Variants in TXNDC9 observed in about 807,000 individuals in gnomAD.
The protein encoded by TXNDC9 is thioredoxin domain containing 9, also known as thioredoxin domain-containing protein 9.
In TXNDC9, 7 loss-of-function variants were observed where a neutral mutation model predicts 23.0. The observed-to-expected ratio is 0.30, with a 90% confidence interval of 0.17 to 0.57. The LOEUF is 0.57. TXNDC9 is among the 20% of genes least tolerant of loss of function. The pLI, the probability that TXNDC9 is intolerant of heterozygous loss-of-function variation, is 0.90. For missense variants in TXNDC9, 198 were observed against 252.6 expected, an observed-to-expected ratio of 0.78 and a Z score of 1.47; for synonymous variants, 72 against 90.6, an observed-to-expected ratio of 0.79 and a Z score of 1.17.
downstream of TXNDC9, among the ~76,000 whole-genome samples, chr2:99,318,462 C>G (rs1033127253): frequency 6.6e-6 from 1 of 152,188 alleles, no homozygotes; most frequent in African/African-American, 2.4e-5. Flanking sequence ...GCGTGAGGCA[C>G]CGTGCCCGGC....
chr2:99,325,511 C>T (rs575849701), intron 3 of TXNDC9, among the ~76,000 whole-genome samples: 1 of 152,288 alleles, frequency 6.6e-6, no homozygotes, highest in East Asian at 1.9e-4. Context: ...ATATAAAGTT[C>T]ACTGGATGAT....
the TXNDC9 span, among the ~76,000 whole-genome samples, chr2:99,308,814 C>A: frequency 4.6e-5 from 7 of 151,886 alleles, no homozygotes; most frequent in Non-Finnish European, 4.4e-5. Flanking sequence ...CGGGTTCATG[C>A]CATTCTCCTG....
intron 4 of TXNDC9, among the ~76,000 whole-genome samples, chr2:99,320,419 C>T (rs867085306): frequency 3.9e-5 from 6 of 152,152 alleles, no homozygotes; most frequent in Admixed American, 2.0e-4. Context: ...GCATCACTTC[C>T]ATAATATGCC....
intron 3 of TXNDC9, among the ~76,000 whole-genome samples, chr2:99,325,946 G>A (rs1398454487): frequency 6.6e-6 from 1 of 152,088 alleles, no homozygotes; most frequent in Non-Finnish European, 1.5e-5. Flanking sequence ...GGGAGGTGGA[G>A]GTTGGAGTGA....
intron 1 of TXNDC9, among the ~76,000 whole-genome samples, chr2:99,334,828 C>CA (rs1333528240): frequency 2.0e-5 from 3 of 152,248 alleles, no homozygotes; most frequent in African/African-American, 7.2e-5. Flanking sequence ...TCTCCTGCCT[C>CA]AGCCTCCCGA....
chr2:99,331,428 G>T (rs1335582414), intron 2 of TXNDC9, among the ~76,000 whole-genome samples: 4 of 150,560 alleles, frequency 2.7e-5, no homozygotes, highest in Non-Finnish European at 5.9e-5. Flanking sequence ...ACAAAAATCA[G>T]CTGGGCATGG....
chr2:99,330,290 C>CAAAAAAAAA (rs528602849), intron 2 of TXNDC9, among the ~76,000 whole-genome samples: 3,720 of 28,156 alleles, frequency 0.13, 1,295 homozygotes, highest in East Asian at 0.2. Flanking sequence ...ACTCTTATCT[C>CAAAAAAAAA]AAAAAAAAAA....
At chr2:99,311,261 G>T in the TXNDC9 span, among the ~76,000 whole-genome samples, 1 of 152,086 alleles carries the variant, frequency 6.6e-6, no homozygotes, top group Non-Finnish European at 1.5e-5. Flanking sequence ...TGGAGATGGG[G>T]TCTTCCTATG....
downstream of TXNDC9, among the ~76,000 whole-genome samples, chr2:99,315,477 A>T (rs895284708): frequency 6.6e-6 from 1 of 152,122 alleles, no homozygotes; most frequent in African/African-American, 2.4e-5. Context: ...TATTTTTCCA[A>T]TTCTGAGTTG....
At chr2:99,332,978 G>A (rs1286113396) in intron 2 of TXNDC9, 44 bp downstream of exon 2, 7 of 1,475,736 alleles carry the variant, frequency 4.7e-6, no homozygotes, top group South Asian at 2.3e-5. Context: ...GTTGTTAGGC[G>A]CATACTGTTA....
Position 99,319,673 on chromosome 2 carries a change from T to C in TXNDC9, c.*9A>G. On this transcript the variant is annotated 3_prime_UTR_variant, in exon 5 of 5. Transcript: ENST00000264255. ...AAAAAAAAGACAATTTACAAAGAAT[T>C]ATTGAGCTCTAATCATCATCAGAGT... The C allele has an allele frequency of 6.5e-7, 1 of 1,539,278 alleles. No homozygotes were observed.
chr2:99,330,401 G>T (rs1235478771), intron 2 of TXNDC9, among the ~76,000 whole-genome samples: 1 of 151,214 alleles, frequency 6.6e-6, no homozygotes, highest in African/African-American at 2.4e-5. Flanking sequence ...CTCCTTTGAG[G>T]GAGGATGTGC....
At chr2:99,308,913 A>G in the TXNDC9 span, among the ~76,000 whole-genome samples, 36 of 152,126 alleles carry the variant, frequency 2.4e-4, no homozygotes, top group Admixed American at 3.9e-4. Flanking sequence ...CATGTTAGCC[A>G]GGATGGTCTC....
chr2:99,334,155 A>G (rs2094232958), intron 1 of TXNDC9, among the ~76,000 whole-genome samples: 1 of 152,236 alleles, frequency 6.6e-6, no homozygotes, highest in African/African-American at 2.4e-5. Flanking sequence ...GTTTGAGACC[A>G]GCCTGGGAAA....
intron 4 of TXNDC9, chr2:99,321,163 G>A (rs991484700): frequency 5.3e-5 from 8 of 151,896 alleles, no homozygotes; most frequent in African/African-American, 1.2e-4. Flanking sequence ...GAATGATTTC[G>A]GCATGTCTAG....
At chr2:99,307,795 G>A in the TXNDC9 span, among the ~76,000 whole-genome samples, 1 of 142,100 alleles carries the variant, frequency 7.0e-6, no homozygotes, top group Non-Finnish European at 1.5e-5. Context: ...AACTGTAGCT[G>A]TAATAGGGCC....
At chr2:99,336,158 C>T (rs1181060935) in intron 1 of TXNDC9, 81 bp downstream of exon 1, 1 of 979,988 alleles carries the variant, frequency 1.0e-6, no homozygotes, top group African/African-American at 1.7e-5. Flanking sequence ...CGCCCCTCCT[C>T]CGCTCCGGAT....
chr2:99,334,531 T>A (rs1312169859), intron 1 of TXNDC9, among the ~76,000 whole-genome samples: 1 of 152,188 alleles, frequency 6.6e-6, no homozygotes, highest in Non-Finnish European at 1.5e-5. Context: ...TACAAATCTG[T>A]ACAGCATGTT....
downstream of TXNDC9, among the ~76,000 whole-genome samples, chr2:99,313,994 A>G (rs1220738780): frequency 1.3e-5 from 2 of 152,148 alleles, no homozygotes; most frequent in Non-Finnish European, 2.9e-5. Context: ...TTAAATATAT[A>G]TGATTTGTTT....
Sources: allele counts gnomAD v4.1 joint callset (sites outside exome capture counted in the v4.1 genomes callset), GRCh38; gene constraint gnomAD v4.1.1; transcripts MANE v1.5; gene names NCBI Gene and HGNC (gene_info 2026-07-23, HGNC 2026-07-21).